VAV2: variants seen among roughly 807,000 people sequenced by gnomAD.
The protein encoded by VAV2 is vav guanine nucleotide exchange factor 2.
VAV2 carries 67 observed loss-of-function variants against 132.5 expected under a neutral mutation model. The ratio of observed to expected loss-of-function variants is 0.51; its 90% CI spans 0.42 to 0.62. The LOEUF is 0.62. Ranked by LOEUF, VAV2 falls within the 20% of genes least tolerant of loss-of-function variation. The pLI, the probability that VAV2 is intolerant of heterozygous loss-of-function variation, is 0.00. For synonymous variants in VAV2, 492 were observed against 443.5 expected (o/e 1.11, Z -1.37); for missense variants, 938 against 1,153.6 (o/e 0.81, Z 2.71).
chr9:133,785,992 A>C (rs746732832), intron 16 of VAV2, 107 bp from the exon 17 acceptor site: 1 of 956,598 alleles, frequency 1.0e-6, no homozygotes, highest in Non-Finnish European at 1.6e-6. Flanking sequence ...GTGTATATGC[A>C]TATGTGCACA....
At chr9:133,905,498 C>G (rs1839617615) in intron 2 of VAV2, among the ~76,000 whole-genome samples, 1 of 151,804 alleles carries the variant, frequency 6.6e-6, no homozygotes. Context: ...AGGGGCCTAC[C>G]AAGGACATGA....
chr9:133,874,242 C>A (rs1222777721), intron 2 of VAV2, among the ~76,000 whole-genome samples: 4 of 152,262 alleles, frequency 2.6e-5, no homozygotes, highest in Non-Finnish European at 5.9e-5. Context: ...CCTGTCCCAG[C>A]AAGACTGGCT....
intron 3 of VAV2, among the ~76,000 whole-genome samples, chr9:133,838,770 G>A (rs1196466597): frequency 2.1e-5 from 3 of 146,148 alleles, no homozygotes; most frequent in African/African-American, 7.6e-5. Flanking sequence ...TGGATGGAGG[G>A]ATAAATGGAT....
chr9:133,838,339 T>C (rs910840201), intron 3 of VAV2, among the ~76,000 whole-genome samples: 12 of 151,110 alleles, frequency 7.9e-5, no homozygotes, highest in Admixed American at 6.6e-5. Flanking sequence ...TAGAAAGGCA[T>C]GGATGAGTAC....
intron 2 of VAV2, among the ~76,000 whole-genome samples, chr9:133,888,242 C>T (rs1166329267): frequency 6.6e-6 from 1 of 152,200 alleles, no homozygotes; most frequent in Non-Finnish European, 1.5e-5. Flanking sequence ...GCAGAGTGTC[C>T]GCCTGGGCGG....
chr9:133,949,493 T>C (rs1841483461), intron 1 of VAV2, among the ~76,000 whole-genome samples: 1 of 152,214 alleles, frequency 6.6e-6, no homozygotes, highest in East Asian at 1.9e-4. Flanking sequence ...CCCCACTTCC[T>C]GACCTTGTCT....
intron 2 of VAV2, among the ~76,000 whole-genome samples, chr9:133,866,684 T>C: frequency 6.6e-6 from 1 of 151,882 alleles, no homozygotes; most frequent in South Asian, 2.1e-4. Flanking sequence ...CACATGCCTG[T>C]AGTTCCAGCT....
At chr9:133,978,813 T>C (rs574594452) in intron 1 of VAV2, among the ~76,000 whole-genome samples, 1 of 152,366 alleles carries the variant, frequency 6.6e-6, no homozygotes, top group East Asian at 1.9e-4. Context: ...GTATTTGTCA[T>C]TCTTGTTTAT....
chr9:133,900,025 AAAAT>A (rs752288414), intron 2 of VAV2, among the ~76,000 whole-genome samples: 11,976 of 137,856 alleles, frequency 0.087, 1,112 homozygotes, highest in African/African-American at 0.2. Flanking sequence ...CATCTCAAAA[AAAAT>A]AAATAAATAA....
intron 12 of VAV2, among the ~76,000 whole-genome samples, chr9:133,793,653 G>A (rs1386643951): frequency 6.6e-6 from 1 of 152,200 alleles, no homozygotes; most frequent in Non-Finnish European, 1.5e-5. Flanking sequence ...AGGAACAGAT[G>A]GAAGTTGCCC....
At chr9:133,805,350 G>A (rs1251661583) in intron 9 of VAV2, among the ~76,000 whole-genome samples, 2 of 152,174 alleles carry the variant, frequency 1.3e-5, no homozygotes, top group East Asian at 3.9e-4. Context: ...GGAAGCATTA[G>A]CATAGACCCC....
At chr9:133,864,539 C>T (rs143693557) in intron 2 of VAV2, among the ~76,000 whole-genome samples, 315 of 152,272 alleles carry the variant, frequency 2.1e-3, no homozygotes, top group African/African-American at 7.1e-3. Flanking sequence ...TCCAAGACAC[C>T]GGCAGCCCGT....
intron 18 of VAV2, 50 bp from the exon 19 acceptor site, chr9:133,783,641 A>C: frequency 6.4e-7 from 1 of 1,572,698 alleles, no homozygotes. Flanking sequence ...TCGGCTCCTC[A>C]TGCCTCTCTG....
chr9:133,836,093 C>T (rs1351025941), intron 3 of VAV2, among the ~76,000 whole-genome samples: 11 of 152,210 alleles, frequency 7.2e-5, no homozygotes, highest in Admixed American at 4.6e-4. Flanking sequence ...GTGCCATTTA[C>T]GGCCAAGAAG....
At chr9:133,959,280 A>AGAGGCACAGCTGG (rs981500255) in intron 1 of VAV2, among the ~76,000 whole-genome samples, 8 of 152,142 alleles carry the variant, frequency 5.3e-5, no homozygotes, top group Non-Finnish European at 8.8e-5. Flanking sequence ...AAGCCACAAG[A>AGAGGCACAGCTGG]GAGGCACAGC....
At chr9:133,958,499 C>T (rs1383132148) in intron 1 of VAV2, among the ~76,000 whole-genome samples, 2 of 150,724 alleles carry the variant, frequency 1.3e-5, no homozygotes, top group African/African-American at 4.8e-5. Context: ...GTCTGCTGAC[C>T]CTCTCCCCAC....
chr9:133,763,825 G>A lies in VAV2; in HGVS notation c.*237C>T. 1 of 542,980 alleles carries A rather than the reference G, an allele frequency of 1.8e-6. No individual in the cohort carries two copies. The highest frequency in any genetic ancestry group is 3.3e-6 in the Non-Finnish European group (1 of 302,408). The allele number at this position is 542,980 out of a possible 1,614,324, so 33.6% of individuals were successfully genotyped here. A position where few individuals can be genotyped will look rare whatever the true frequency, so the allele number is the denominator to read the frequency against. On this transcript the variant is annotated 3_prime_UTR_variant, in exon 30 of 30. Coordinates refer to ENST00000371850, the MANE Select transcript of VAV2 (RefSeq NM_001134398.2). The surrounding 1 kb of genome is among the most constrained non-coding windows in gnomAD (Gnocchi z 6.8). The stretch of plus-strand genomic sequence containing the variant: ...GTGCCCCCTCCTCTGCGCTCTGGGT[G>A]GGGCTAGCCCAGGTTTCCTCTATGT...
At chr9:133,861,250 C>T in intron 3 of VAV2, 124 bp downstream of exon 3, 1 of 1,111,528 alleles carries the variant, frequency 9.0e-7, no homozygotes, top group East Asian at 2.9e-5. Flanking sequence ...CAACACGCTG[C>T]AAATGCATGA....
At chr9:133,877,757 G>A (rs938817568) in intron 2 of VAV2, among the ~76,000 whole-genome samples, 2 of 152,322 alleles carry the variant, frequency 1.3e-5, no homozygotes, top group East Asian at 1.9e-4. Flanking sequence ...TGGGTTTCCA[G>A]TGGCTTCACT....
Sources: allele counts gnomAD v4.1 joint callset (sites outside exome capture counted in the v4.1 genomes callset), GRCh38; gene constraint gnomAD v4.1.1; non-coding constraint Gnocchi (gnomAD v3.1); transcripts MANE v1.5; gene names NCBI Gene and HGNC (gene_info 2026-07-23, HGNC 2026-07-21).